Variants in CACNA2D1 observed in about 807,000 individuals in gnomAD.
CACNA2D1 encodes voltage-dependent calcium channel subunit alpha-2/delta-1.
CACNA2D1 carries 53 observed loss-of-function variants against 171.5 expected under a neutral mutation model. The ratio of observed to expected loss-of-function variants is 0.31; its 90% confidence interval spans 0.25 to 0.39. The LOEUF (loss-of-function observed/expected upper bound fraction) is 0.39, where lower values mean the gene tolerates loss of function less well. Among genes scored for constraint, CACNA2D1 ranks in the 10% least tolerant of loss-of-function variants. The pLI is 1.00. For missense variants in CACNA2D1, 903 were observed against 1,299.8 expected (o/e 0.69, Z 4.69); for synonymous variants, 442 against 443.1 (o/e 1.00, Z 0.03).
rs1481395755 is a variant in CACNA2D1 at position 81,947,980 on chromosome 7, T to C, written c.*2412A>G. The C allele has an allele frequency of 1.3e-5, 2 of 151,826 alleles. No individual in the cohort carries two copies. Among genetic ancestry groups the C allele is most frequent in the African/African-American group, 4.8e-5 (2 of 41,384 alleles). The allele number at this position is 151,826 out of a possible 1,614,324, so 9.4% of individuals were successfully genotyped here. ...TATTTTGATGGCAACAGAAATTAAATAGGATCCTGCCAAGAGATGCCAAGT... is the reference window on the plus strand; with the variant it reads ...TATTTTGATGGCAACAGAAATTAAACAGGATCCTGCCAAGAGATGCCAAGT... On this transcript the variant is annotated 3_prime_UTR_variant, in exon 39 of 39. Transcript: ENST00000356860.
At chr7:82,013,372 G>T in intron 14 of CACNA2D1, 89 bp downstream of exon 14, 2 of 439,030 alleles carry the variant, frequency 4.6e-6, no homozygotes, top group Non-Finnish European at 7.3e-6. Context: ...TTTCATTCTT[G>T]CTAATTTTCT....
intron 3 of CACNA2D1, among the ~76,000 whole-genome samples, chr7:82,186,975 C>T (rs764244673): frequency 3.9e-5 from 6 of 152,106 alleles, no homozygotes; most frequent in Non-Finnish European, 8.8e-5. Context: ...AACCATAAGA[C>T]TCATTAGTAT....
Position 81,997,049 on chromosome 7 carries a change from C to T in CACNA2D1, c.1662+130G>A, listed in dbSNP as rs37107. The T allele has an allele frequency of 7.4e-3, 5,141 of 698,952 alleles. 193 individuals are homozygous for T. The African/African-American group carries it at 0.075, about 10-fold the overall frequency. 43.3% of individuals were successfully genotyped at this position (698,952 alleles called of 1,614,324 possible). ...TCTAGAAAATTTTAATGACAAAGAA[C>T]ATTCATCTTTGTGTATACAGTATCA... On this transcript the variant is annotated intron_variant, in intron 19 of 38. Transcript: ENST00000356860.
At chr7:82,336,364 T>A (rs1209803286) in intron 2 of CACNA2D1, among the ~76,000 whole-genome samples, 1 of 152,198 alleles carries the variant, frequency 6.6e-6, no homozygotes, top group African/African-American at 2.4e-5. Flanking sequence ...TTACATGGAC[T>A]TATAATTTTT....
chr7:82,205,044 G>T (rs1289994800), intron 3 of CACNA2D1, among the ~76,000 whole-genome samples: 2 of 152,164 alleles, frequency 1.3e-5, no homozygotes, highest in Non-Finnish European at 2.9e-5. Context: ...TGTACATGCA[G>T]CTTATGCCCA....
At position 82,093,678 on chromosome 7, in the gene CACNA2D1, C is replaced by G. The variant is rs117184798; in HGVS notation, c.527-8778G>C. On this transcript the variant is annotated intron_variant, in intron 6 of 38. Coordinates refer to ENST00000356860, the MANE Select transcript of CACNA2D1 (RefSeq NM_000722.4). ...TTTACAATGGCATATTCCAAGTGTT[C>G]CAGAAAGCAAACCACACTGATGAAT... is the stretch of plus-strand genomic sequence containing the variant. Among the ~76,000 whole-genome samples, 1,195 of 152,108 alleles carry G rather than the reference C, an allele frequency of 7.9e-3. 11 individuals are homozygous for G. The highest frequency in any genetic ancestry group is 0.013 in the Non-Finnish European group (894 of 68,002).
At chr7:82,346,282 T>C (rs1819242687) in intron 2 of CACNA2D1, among the ~76,000 whole-genome samples, 1 of 152,190 alleles carries the variant, frequency 6.6e-6, no homozygotes, top group African/African-American at 2.4e-5. Context: ...GCCCAGCCTG[T>C]ACCCCAGCTT....
intron 3 of CACNA2D1, among the ~76,000 whole-genome samples, chr7:82,268,717 C>A (rs1300110674): frequency 7.3e-5 from 7 of 95,254 alleles, no homozygotes; most frequent in Non-Finnish European, 1.5e-4. Context: ...TTGAGAGATA[C>A]CTGAGACCAA....
intron 4 of CACNA2D1, among the ~76,000 whole-genome samples, chr7:82,165,111 A>G (rs1795303446): frequency 2.0e-5 from 3 of 151,910 alleles, no homozygotes; most frequent in Non-Finnish European, 4.4e-5. Flanking sequence ...CATCATCTCA[A>G]TCCCAGGATA....
intron 1 of CACNA2D1, among the ~76,000 whole-genome samples, chr7:82,380,488 T>G (rs947161447): frequency 1.3e-5 from 2 of 152,164 alleles, no homozygotes; most frequent in African/African-American, 4.8e-5. Context: ...CTGCTCTAAC[T>G]CTAGACATTC....
intron 3 of CACNA2D1, among the ~76,000 whole-genome samples, chr7:82,332,510 T>TAAAGAAAGAAAAAGAAAGAAAG (rs1554514821): frequency 7.6e-5 from 7 of 92,652 alleles, no homozygotes; most frequent in African/African-American, 2.7e-4. Flanking sequence ...AAAAGAAATA[T>TAAAGAAAGAAAAAGAAAGAAAG]AAAGAAAGAA....
chr7:81,950,270 G>T lies in CACNA2D1; in HGVS notation c.*122C>A. 4 of 1,584,730 alleles carry T rather than the reference G, an allele frequency of 2.5e-6. No homozygotes were observed. The highest frequency in any genetic ancestry group is 3.4e-6 in the Non-Finnish European group (4 of 1,160,340). ...AGTCTGCGCCTTAGTGTTATGCCAT[G>T]GAACAGGCCCAGCTAATGTTTGTCT... On this transcript the variant is annotated 3_prime_UTR_variant, in exon 39 of 39. Coordinates refer to ENST00000356860, the MANE Select transcript of CACNA2D1 (RefSeq NM_000722.4).
chr7:82,135,216 A>G (rs1382322665), intron 5 of CACNA2D1, among the ~76,000 whole-genome samples: 1 of 152,058 alleles, frequency 6.6e-6, no homozygotes, highest in South Asian at 2.1e-4. Flanking sequence ...TATTAAATAA[A>G]TGTTGCAATT....
At chr7:82,128,302 A>G (rs550674348) in intron 5 of CACNA2D1, among the ~76,000 whole-genome samples, 3 of 152,240 alleles carry the variant, frequency 2.0e-5, no homozygotes, top group South Asian at 2.1e-4. Context: ...ATATTATACA[A>G]TCGTAAGGAG....
chr7:82,402,071 T>C (rs1826494314), intron 1 of CACNA2D1, among the ~76,000 whole-genome samples: 1 of 152,182 alleles, frequency 6.6e-6, no homozygotes, highest in African/African-American at 2.4e-5. Flanking sequence ...ACTAACTGAT[T>C]GACAAAATGT....
chr7:82,109,247 G>C lies in CACNA2D1; in HGVS notation c.526+7797C>G, dbSNP rs552229138. On this transcript the variant is annotated intron_variant, in intron 6 of 38. Transcript: ENST00000356860. Reference sequence around the variant, plus strand: ...AACCCTTTTTTTTGCAAATTATCTGGTTTTAAAAAATCAATAAACACAAAA... The same window carrying C: ...AACCCTTTTTTTTGCAAATTATCTGCTTTTAAAAAATCAATAAACACAAAA... Among the ~76,000 whole-genome samples, 3 of 151,674 alleles carry C rather than the reference G, an allele frequency of 2.0e-5. No homozygotes were observed. In the South Asian group the frequency reaches 6.2e-4, roughly 32 times the overall value.
At chr7:82,197,771 A>G (rs1015479749) in intron 3 of CACNA2D1, among the ~76,000 whole-genome samples, 16 of 151,464 alleles carry the variant, frequency 1.1e-4, no homozygotes, top group African/African-American at 3.6e-4. Flanking sequence ...AAAATTAAGC[A>G]TATATTTTCT....
chr7:82,329,223 A>G (rs1816996119), intron 3 of CACNA2D1, among the ~76,000 whole-genome samples: 1 of 152,156 alleles, frequency 6.6e-6, no homozygotes, highest in Non-Finnish European at 1.5e-5. Context: ...AACATTTGTC[A>G]TGTTCCTTTT....
At chr7:82,111,292 G>GTATATATA (rs113362103) in intron 6 of CACNA2D1, among the ~76,000 whole-genome samples, 1 of 120,858 alleles carries the variant, frequency 8.3e-6, no homozygotes, top group African/African-American at 3.1e-5. Flanking sequence ...ATATGTCTGG[G>GTATATATA]TATATATATA....
Sources: gnomAD v4.1 joint callset for allele counts (sites outside exome capture counted in the v4.1 genomes callset) on GRCh38, gnomAD v4.1.1 for gene constraint, MANE v1.5 for transcripts, NCBI Gene and HGNC (gene_info 2026-07-23, HGNC 2026-07-21) for gene names.